HMCN2: variants seen among roughly 807,000 people sequenced by gnomAD.
HMCN2 encodes the protein hemicentin-2.
Under a neutral mutation model 377.5 loss-of-function variants are expected in HMCN2, and 325 were observed. The ratio of observed to expected loss-of-function variants is 0.86; its 90% CI spans 0.79 to 0.94. HMCN2 has a LOEUF of 0.94. Among genes scored for constraint, HMCN2 ranks in the 40% least tolerant of loss-of-function variants. The pLI, the probability that HMCN2 is intolerant of heterozygous loss-of-function variation, is 0.00. For missense variants in HMCN2, 4,543 were observed against 4,725.3 expected (o/e 0.96, Z 1.13); for synonymous variants, 2,007 against 2,046.8 (o/e 0.98, Z 0.53).
rs975790304 is a variant in HMCN2, at chr9:130,428,266, G to A, written c.14066-92G>A. The A allele has an allele frequency of 6.4e-6, 9 of 1,404,680 alleles. No homozygotes were observed. In the South Asian group the frequency reaches 1.1e-4, roughly 17 times the overall value. 87.0% of individuals were successfully genotyped at this position (1,404,680 alleles called of 1,614,324 possible). ...GCCAGTGGCTCCTGGGCCTGCGGAC[G>A]AAGCCTCTGTGGATAGGCCGGGCCA... On this transcript the variant is annotated intron_variant, in intron 92 of 97. Coordinates refer to ENST00000683500, the MANE Select transcript of HMCN2 (RefSeq NM_001291815.2). This position sits in a 1 kb window ranked among gnomAD's most constrained non-coding sequence, Gnocchi z 5.0.
At chr9:130,268,906 G>T (rs1408622124) in intron 1 of HMCN2, among the ~76,000 whole-genome samples, 2 of 148,934 alleles carry the variant, frequency 1.3e-5, no homozygotes, top group African/African-American at 2.4e-5. Flanking sequence ...CCTTCTATGG[G>T]CTGTGAACAG....
chr9:130,267,126 TA>T (rs1564730837), intron 1 of HMCN2, among the ~76,000 whole-genome samples: 4 of 151,850 alleles, frequency 2.6e-5, no homozygotes. Flanking sequence ...TTAAATTTTT[TA>T]TAGACATGGA....
intron 8 of HMCN2, among the ~76,000 whole-genome samples, chr9:130,302,023 GC>G (rs2131336905): frequency 6.6e-6 from 1 of 151,380 alleles, no homozygotes; most frequent in Non-Finnish European, 1.5e-5. Context: ...TGTGAATTTT[GC>G]ATTTATACCC....
At chr9:130,319,209 A>T (rs2131394965) in intron 15 of HMCN2, among the ~76,000 whole-genome samples, 1 of 152,226 alleles carries the variant, frequency 6.6e-6, no homozygotes, top group African/African-American at 2.4e-5. Context: ...GGGAGGTGTC[A>T]CAGCCAGGAG....
intron 43 of HMCN2, among the ~76,000 whole-genome samples, chr9:130,368,032 TG>T (rs200304204): frequency 0.022 from 3,325 of 148,448 alleles, 41 homozygotes; most frequent in Middle Eastern, 0.066. Flanking sequence ...AGGATTCAGA[TG>T]GGGCACCTGT....
chr9:130,400,518 A>G (rs1353050117), intron 76 of HMCN2: 6 of 213,062 alleles, frequency 2.8e-5, no homozygotes, highest in African/African-American at 9.5e-5. Context: ...CACACTTGTG[A>G]TTAGCCACTG....
At position 130,362,091 on chromosome 9, in the gene HMCN2, G is replaced by A. The variant is rs927167151; in HGVS notation, c.6034G>A (p.Gly2012Ser). 177 of 985,886 alleles carry A rather than the reference G, an allele frequency of 1.8e-4. No individual in the cohort carries two copies. Among genetic ancestry groups the A allele is most frequent in the Non-Finnish European group, 2.1e-4 (176 of 830,066 alleles). 61.1% of individuals were successfully genotyped at this position (985,886 alleles called of 1,614,324 possible). Residue 2012 changes from glycine (G) to serine (S), a missense_variant, in exon 39 of 98, where the codon GGT becomes AGT. Coordinates refer to ENST00000683500, the MANE Select transcript of HMCN2 (RefSeq NM_001291815.2). ...TPVRLTCNAT[G>S]APSPTLMWLK... is the part of the protein sequence containing the mutation. ...TGTCCGGCTGACCTGCAATGCCACC[G>A]GTGCCCCCAGCCCCACACTGATGTG...
Position 130,334,570 on chromosome 9 carries a change from T to TC in HMCN2, c.3360-3323dup, listed in dbSNP as rs1554945681. On this transcript the variant is annotated intron_variant, in intron 22 of 97. Coordinates refer to ENST00000683500, the MANE Select transcript of HMCN2 (RefSeq NM_001291815.2). ...GGAAGTTTTTTTTTTTTTTTTTTTT[T>TC]CAGAAGCCCCATTTCCTATCTTTTT... 8.6e-4 allele frequency among the ~76,000 whole-genome samples: 121 copies of TC among 140,066 alleles called. 2 individuals are homozygous for TC. In the East Asian group the frequency reaches 0.011, roughly 12 times the overall value. 91.9% of individuals were successfully genotyped at this position (140,066 alleles called of 152,430 possible). A position where few individuals can be genotyped will look rare whatever the true frequency, so the allele number is the denominator to read the frequency against.
rs1303723653 is a variant in HMCN2, at chr9:130,405,861, C to T, written c.12340-94C>T. 5.2e-6 allele frequency: 5 copies of T among 955,972 alleles called. No individual in the cohort carries two copies. The South Asian group carries it at 7.8e-5, about 15-fold the overall frequency. The allele number at this position is 955,972 out of a possible 1,614,324, so 59.2% of individuals were successfully genotyped here. On this transcript the variant is annotated intron_variant, in intron 81 of 97. Transcript: ENST00000683500. Reference sequence around the variant, plus strand: ...GGGCAAGTCACTTCCCCTCTCTGGGCTGGATGCTCCATGAGAACCTTCAAG... The same window carrying T: ...GGGCAAGTCACTTCCCCTCTCTGGGTTGGATGCTCCATGAGAACCTTCAAG...
intron 26 of HMCN2, 43 bp from the exon 27 acceptor site, chr9:130,348,502 A>G: frequency 7.7e-7 from 1 of 1,297,726 alleles, no homozygotes; most frequent in South Asian, 1.2e-5. Context: ...CTGTGGCTCT[A>G]AGGGGGCAGG....
chr9:130,403,502 C>T (rs1452767062), intron 79 of HMCN2, among the ~76,000 whole-genome samples, 174 bp downstream of exon 79: 1 of 152,236 alleles, frequency 6.6e-6, no homozygotes, highest in Non-Finnish European at 1.5e-5. Context: ...CCTCCCCAAC[C>T]CTTCTCCTGT....
chr9:130,350,691 C>T (rs1037169338), intron 29 of HMCN2, among the ~76,000 whole-genome samples: 1 of 151,368 alleles, frequency 6.6e-6, no homozygotes, highest in Non-Finnish European at 1.5e-5. Flanking sequence ...TCGAGACCAT[C>T]CTGGCTAACA....
At chr9:130,383,147 G>A (rs1033283106) in intron 56 of HMCN2, among the ~76,000 whole-genome samples, 6 of 152,178 alleles carry the variant, frequency 3.9e-5, no homozygotes, top group East Asian at 1.9e-4. Flanking sequence ...ACCAGCTGGC[G>A]CGTGCAGAGC....
At chr9:130,398,153 C>CAAAAAAAAAAA (rs397940740) in intron 74 of HMCN2, among the ~76,000 whole-genome samples, 6 of 33,886 alleles carry the variant, frequency 1.8e-4, no homozygotes, top group East Asian at 9.6e-4. Context: ...ACTCCGTCTA[C>CAAAAAAAAAAA]AAAAAAAAAA....
At position 130,383,050 on chromosome 9, in the gene HMCN2, C is replaced by G. The variant is rs577825957; in HGVS notation, c.8733+184C>G. Among the ~76,000 whole-genome samples the G allele has an allele frequency of 9.8e-5, 15 of 152,338 alleles. No individual in the cohort carries two copies. In the South Asian group the frequency reaches 2.9e-3, roughly 29 times the overall value. ...CCAGCACAGGCCTGTGCACGGCATC[C>G]AGAGCTTCAGGAGACACCTAGCAAA... On this transcript the variant is annotated intron_variant, in intron 56 of 97. Transcript: ENST00000683500.
intron 12 of HMCN2, 119 bp downstream of exon 12, chr9:130,306,389 C>T: frequency 5.0e-6 from 2 of 403,440 alleles, no homozygotes; most frequent in Admixed American, 5.6e-5. Context: ...GCCTTCCTTG[C>T]TCCTGGGATC....
At chr9:130,343,462 C>T (rs1839172054) in intron 25 of HMCN2, among the ~76,000 whole-genome samples, 1 of 152,178 alleles carries the variant, frequency 6.6e-6, no homozygotes, top group African/African-American at 2.4e-5. Context: ...AGGGGAGGAC[C>T]TGGGTGGGAG....
At chr9:130,424,516 C>CA (rs1461753478) in intron 87 of HMCN2, among the ~76,000 whole-genome samples, 3 of 152,130 alleles carry the variant, frequency 2.0e-5, no homozygotes, top group Non-Finnish European at 4.4e-5. Context: ...TTTGTAGAGA[C>CA]AGAGTCTCAC....
At chr9:130,399,690 C>A in intron 76 of HMCN2, 58 bp downstream of exon 76, 1 of 1,186,288 alleles carries the variant, frequency 8.4e-7, no homozygotes, top group Non-Finnish European at 1.1e-6. Flanking sequence ...CCTTCCCGCT[C>A]TTGGGTGCTC....
Sources: gnomAD v4.1 joint callset for allele counts (sites outside exome capture counted in the v4.1 genomes callset) on GRCh38, gnomAD v4.1.1 for gene constraint, Gnocchi (gnomAD v3.1) non-coding constraint, MANE v1.5 for transcripts, NCBI Gene and HGNC (gene_info 2026-07-23, HGNC 2026-07-21) for gene names.